The following PSMF1 variants were observed in gnomAD, a reference collection of about 807,000 sequenced individuals.
PSMF1 encodes the protein proteasome inhibitor subunit 1.
In PSMF1, 30 loss-of-function variants were observed where a neutral mutation model predicts 29.3. The ratio of observed to expected loss-of-function variants is 1.02; its 90% CI spans 0.77 to 1.39. PSMF1 has a LOEUF of 1.39. Ranked by LOEUF, PSMF1 falls within the 40% of genes most tolerant of loss-of-function variation. PSMF1 has a pLI of 0.00. For missense variants in PSMF1, 344 were observed against 357.5 expected (o/e 0.96, Z 0.31); for synonymous variants, 134 against 139.7 (o/e 0.96, Z 0.29).
intron 4 of PSMF1, among the ~76,000 whole-genome samples, chr20:1,157,588 T>TA (rs55741245): frequency 0.45 from 67,885 of 151,616 alleles, 15,756 homozygotes; most frequent in East Asian, 0.73. Flanking sequence ...GCTTTCTTAA[T>TA]TAAGTGTATG....
intron 1 of PSMF1, among the ~76,000 whole-genome samples, chr20:1,122,826 T>C (rs1344481778): frequency 6.6e-6 from 1 of 152,226 alleles, no homozygotes; most frequent in East Asian, 1.9e-4. Flanking sequence ...AGGGATTTTC[T>C]GTAACTCTGG....
chr20:1,124,492 A>G (rs947542662), intron 1 of PSMF1, among the ~76,000 whole-genome samples: 1 of 152,248 alleles, frequency 6.6e-6, no homozygotes, highest in Non-Finnish European at 1.5e-5. Flanking sequence ...GTAACTCTTT[A>G]GAAAACAACT....
intron 2 of PSMF1, among the ~76,000 whole-genome samples, chr20:1,126,869 C>A (rs1375328897): frequency 6.6e-6 from 1 of 152,066 alleles, no homozygotes; most frequent in Admixed American, 6.6e-5. Flanking sequence ...ATAGAGCAAG[C>A]CTCTGTCTCA....
In PSMF1 at chr20:1,165,549, G is replaced by A. The variant is rs143095770; in HGVS notation, c.*469G>A. ...ACTTTAGAGTTTGAGTTTCTGTAGG[G>A]CTGAATGACTCTTTTTCCTGCCCAG... is the stretch of plus-strand genomic sequence containing the variant. On this transcript the variant is annotated 3_prime_UTR_variant, in exon 7 of 7. Transcript: ENST00000335877. 3,452 of 997,734 alleles carry A rather than the reference G, an allele frequency of 3.5e-3. 6 individuals carry two copies. Among genetic ancestry groups the A allele is most frequent in the Non-Finnish European group, 3.9e-3 (3,291 of 837,456 alleles). The allele number at this position is 997,734 out of a possible 1,614,324, so 61.8% of individuals were successfully genotyped here. A position where few individuals can be genotyped will look rare whatever the true frequency, so the allele number is the denominator to read the frequency against.
chr20:1,144,358 T>C (rs2086421872), intron 4 of PSMF1, among the ~76,000 whole-genome samples: 2 of 152,188 alleles, frequency 1.3e-5, no homozygotes, highest in African/African-American at 4.8e-5. Flanking sequence ...CTCTGGAAAA[T>C]CATTTGGCAG....
chr20:1,163,669 AT>A lies in PSMF1; in HGVS notation c.605+487del, dbSNP rs1176226157. 2.6e-5 allele frequency among the ~76,000 whole-genome samples: 4 copies of A among 152,250 alleles called. No individual in the cohort carries two copies. Among genetic ancestry groups the A allele is most frequent in the African/African-American group, 9.6e-5 (4 of 41,466 alleles). ...GCTACAAAGTGACCCCGACTTCAGC[AT>A]CTCATTTGTAGACAGTGGGGATATC... On this transcript the variant is annotated intron_variant, in intron 5 of 6. Transcript: ENST00000335877. This position sits in a 1 kb window ranked among gnomAD's most constrained non-coding sequence, Gnocchi z 6.1.
Position 1,123,588 on chromosome 20 carries a change from T to C in PSMF1, c.130-1910T>C, listed in dbSNP as rs574695964. On this transcript the variant is annotated intron_variant, in intron 1 of 6. Transcript: ENST00000335877. ...TTAGATCTGGTTTATTCCTTCTGAC[T>C]GCTATATAGTATTCCACTATAAGCA... 1.3e-4 allele frequency among the ~76,000 whole-genome samples: 20 copies of C among 152,366 alleles called. No homozygotes were observed. The South Asian group carries it at 3.3e-3, about 25-fold the overall frequency.
At position 1,170,222 on chromosome 20, in the gene PSMF1, A is replaced by C. The variant is rs2086776671; in HGVS notation, c.*5142A>C. On this transcript the variant is annotated 3_prime_UTR_variant, in exon 7 of 7. Transcript: ENST00000335877. Reference sequence around the variant, plus strand: ...CCCCAGACATTGAATGAGAATCTGCATTTTAACAAGTTCTCCATGAGATTT... The same window carrying C: ...CCCCAGACATTGAATGAGAATCTGCCTTTTAACAAGTTCTCCATGAGATTT... Among the ~76,000 whole-genome samples, 1 of 152,222 alleles carries C rather than the reference A, an allele frequency of 6.6e-6. No homozygotes were observed. Among genetic ancestry groups the C allele is most frequent in the South Asian group, 2.1e-4 (1 of 4,832 alleles).
Position 1,150,521 on chromosome 20 carries a change from A to AT in PSMF1, c.552-12599dup, listed in dbSNP as rs773017667. Among the ~76,000 whole-genome samples the AT allele has an allele frequency of 5.0e-3, 750 of 150,474 alleles. 1 individual carries two copies. Among genetic ancestry groups the AT allele is most frequent in the Middle Eastern group, 0.031 (9 of 290 alleles). On this transcript the variant is annotated intron_variant, in intron 4 of 6. Coordinates refer to ENST00000335877, the MANE Select transcript of PSMF1 (RefSeq NM_006814.5). Reference sequence around the variant, plus strand: ...ACAGGAGTCCATGAGCCACATTAAAATTTTTTTTTTCTCGAAGTTTACTAG... The same window carrying AT: ...ACAGGAGTCCATGAGCCACATTAAAATTTTTTTTTTTCTCGAAGTTTACTAG...
At chr20:1,141,444 A>G (rs537033150) in intron 4 of PSMF1, among the ~76,000 whole-genome samples, 2 of 152,332 alleles carry the variant, frequency 1.3e-5, no homozygotes, top group African/African-American at 4.8e-5. Context: ...CCATAGTCCA[A>G]GAGAATTGAT....
intron 3 of PSMF1, among the ~76,000 whole-genome samples, chr20:1,130,016 G>A (rs577021861): frequency 1.3e-4 from 20 of 152,272 alleles, no homozygotes; most frequent in East Asian, 1.9e-4. Context: ...ATTCTGGCCC[G>A]TGCTACAACA....
intron 2 of PSMF1, among the ~76,000 whole-genome samples, chr20:1,126,935 G>C (rs1414816507): frequency 6.6e-6 from 1 of 152,106 alleles, no homozygotes; most frequent in African/African-American, 2.4e-5. Flanking sequence ...TTTAAGGCTA[G>C]GTTTCCAGAA....
At chr20:1,138,488 A>G (rs1481937827) in intron 4 of PSMF1, among the ~76,000 whole-genome samples, 1 of 145,306 alleles carries the variant, frequency 6.9e-6, no homozygotes, top group African/African-American at 2.6e-5. Context: ...GCGCCACTGC[A>G]CTCCAGCCTG....
chr20:1,134,559 C>CA (rs1272252569), intron 3 of PSMF1, among the ~76,000 whole-genome samples: 1 of 152,154 alleles, frequency 6.6e-6, no homozygotes, highest in African/African-American at 2.4e-5. Flanking sequence ...AGCCTGCCTC[C>CA]ACACCTCAGC....
In PSMF1 at chr20:1,133,578, T is replaced by TTC. The variant is rs2086264046; in HGVS notation, c.366-1542_366-1541insCT. Among the ~76,000 whole-genome samples the TTC allele has an allele frequency of 2.9e-5, 4 of 135,988 alleles. 1 individual carries two copies. Among genetic ancestry groups the TTC allele is most frequent in the African/African-American group, 1.1e-4 (4 of 37,064 alleles). 89.2% of individuals were successfully genotyped at this position (135,988 alleles called of 152,430 possible). ...GTGTATATATATATATATTTTTTTT[T>TTC]TTTTTTTGGTGTAGTCTTTGCCTGG... is the stretch of plus-strand genomic sequence containing the variant. On this transcript the variant is annotated intron_variant, in intron 3 of 6. Transcript: ENST00000335877.
At chr20:1,127,368 C>T in intron 2 of PSMF1, 58 bp from the exon 3 acceptor site, 1 of 1,319,000 alleles carries the variant, frequency 7.6e-7, no homozygotes, top group South Asian at 1.2e-5. Context: ...CTCCCTTCAC[C>T]CTCCCACTCT....
chr20:1,125,970 T>C (rs1213841701), intron 2 of PSMF1: 5 of 488,110 alleles, frequency 1.0e-5, no homozygotes, highest in East Asian at 1.2e-4. Flanking sequence ...CTTAAATAAA[T>C]TGAATTCTTT....
At chr20:1,148,496 A>AG (rs2122559554) in intron 4 of PSMF1, among the ~76,000 whole-genome samples, 1 of 152,362 alleles carries the variant, frequency 6.6e-6, no homozygotes, top group South Asian at 2.1e-4. Flanking sequence ...TTAGATATAA[A>AG]GCTCTTATTT....
At chr20:1,128,941 TCTCGG>T (rs1407020967) in intron 3 of PSMF1, among the ~76,000 whole-genome samples, 3 of 152,180 alleles carry the variant, frequency 2.0e-5, no homozygotes, top group Non-Finnish European at 4.4e-5. Context: ...AGTGGCGCGA[TCTCGG>T]CTCACTGCAA....
Sources: allele counts gnomAD v4.1 joint callset (sites outside exome capture counted in the v4.1 genomes callset), GRCh38; gene constraint gnomAD v4.1.1; non-coding constraint Gnocchi (gnomAD v3.1); transcripts MANE v1.5; gene names NCBI Gene and HGNC (gene_info 2026-07-23, HGNC 2026-07-21).